Variants in UXS1 observed in about 807,000 individuals in gnomAD.
The protein encoded by UXS1 is UDP-glucuronate decarboxylase 1, also known as UDP-glucuronic acid decarboxylase 1.
A neutral mutation model predicts 62.6 loss-of-function variants in UXS1; 33 were observed. The ratio of observed to expected loss-of-function variants is 0.53; its 90% confidence interval spans 0.40 to 0.70. The LOEUF (loss-of-function observed/expected upper bound fraction) is 0.70, where lower values mean the gene tolerates loss of function less well. Ranked by LOEUF, UXS1 falls within the 30% of genes least tolerant of loss-of-function variation. The pLI is 0.00. For synonymous variants in UXS1, 213 were observed against 206.8 expected, an observed-to-expected ratio of 1.03 and a Z score of -0.26; for missense variants, 434 against 556.3, an observed-to-expected ratio of 0.78 and a Z score of 2.21.
intron 7 of UXS1, among the ~76,000 whole-genome samples, chr2:106,128,058 A>G (rs1489017160): frequency 6.6e-6 from 1 of 152,184 alleles, no homozygotes. Context: ...CCACGGGCAC[A>G]GTGACTGCAT....
intron 9 of UXS1, among the ~76,000 whole-genome samples, chr2:106,120,879 C>T (rs1869056): frequency 0.84 from 128,352 of 152,194 alleles, 54,915 homozygotes; most frequent in Non-Finnish European, 0.93. Context: ...GACACCTTCC[C>T]GACAGGGTTC....
chr2:106,098,454 T>C (rs1677308912), intron 13 of UXS1, among the ~76,000 whole-genome samples: 1 of 152,210 alleles, frequency 6.6e-6, no homozygotes, highest in Non-Finnish European at 1.5e-5. Flanking sequence ...AATACAATCG[T>C]GCCTCAAACA....
At position 106,194,298 on chromosome 2, in the gene UXS1, A is replaced by G; in HGVS notation, c.-57T>C. 5 of 986,080 alleles carry G rather than the reference A, an allele frequency of 5.1e-6. No homozygotes were observed. The highest frequency in any genetic ancestry group is 6.3e-6 in the Non-Finnish European group (5 of 793,574). 61.1% of individuals were successfully genotyped at this position (986,080 alleles called of 1,614,324 possible). On this transcript the variant is annotated 5_prime_UTR_variant, in exon 1 of 15. Transcript: ENST00000283148. ...CGCGCGGGGGCCCGCCTGCTGCACA[A>G]TGCGCGGCGGCGGCGGCGGCAGCGG...
chr2:106,174,684 G>A (rs536634650), intron 1 of UXS1, among the ~76,000 whole-genome samples: 11 of 152,346 alleles, frequency 7.2e-5, no homozygotes, highest in South Asian at 4.1e-4. Context: ...ACCAAGGCAC[G>A]TGCCCAGTAA....
At chr2:106,105,684 G>A (rs952047393) in intron 10 of UXS1, among the ~76,000 whole-genome samples, 6 of 152,216 alleles carry the variant, frequency 3.9e-5, no homozygotes, top group African/African-American at 1.4e-4. Flanking sequence ...TGTGAGGTGC[G>A]ATACCAGCAT....
intron 14 of UXS1, among the ~76,000 whole-genome samples, chr2:106,095,959 C>G (rs1677045614): frequency 6.6e-6 from 1 of 152,194 alleles, no homozygotes. Flanking sequence ...CCGCCCCACC[C>G]TGCCCCCTTC....
At chr2:106,190,447 G>A (rs775122330) in intron 1 of UXS1, among the ~76,000 whole-genome samples, 2 of 152,080 alleles carry the variant, frequency 1.3e-5, no homozygotes, top group African/African-American at 4.8e-5. Context: ...TCAACTAAAA[G>A]AAGTGAAATG....
chr2:106,149,766 G>T (rs1203325869), intron 5 of UXS1, among the ~76,000 whole-genome samples: 1 of 152,218 alleles, frequency 6.6e-6, no homozygotes, highest in African/African-American at 2.4e-5. Flanking sequence ...TTGGAACTAG[G>T]TAATGAGTAG....
At chr2:106,114,726 T>C (rs1351204349) in intron 9 of UXS1, among the ~76,000 whole-genome samples, 1 of 152,192 alleles carries the variant, frequency 6.6e-6, no homozygotes, top group Non-Finnish European at 1.5e-5. Flanking sequence ...CTGTGGCTTT[T>C]CTATTTGGGC....
At chr2:106,137,786 A>C (rs1680778155) in intron 6 of UXS1, among the ~76,000 whole-genome samples, 1 of 151,570 alleles carries the variant, frequency 6.6e-6, no homozygotes, top group South Asian at 2.1e-4. Context: ...CAAGAGCAAA[A>C]CTCCGTCTCA....
At chr2:106,180,108 C>CA (rs1226345405) in intron 1 of UXS1, among the ~76,000 whole-genome samples, 2 of 152,098 alleles carry the variant, frequency 1.3e-5, no homozygotes, top group Admixed American at 6.5e-5. Flanking sequence ...GACTCCGTCT[C>CA]AAAAAAGAAA....
intron 4 of UXS1, 113 bp downstream of exon 4, chr2:106,163,554 G>T (rs897165577): frequency 1.5e-6 from 1 of 656,930 alleles, no homozygotes; most frequent in Non-Finnish European, 2.5e-6. Context: ...GGGGAAATGC[G>T]TATACAGACA....
intron 9 of UXS1, among the ~76,000 whole-genome samples, chr2:106,119,725 T>TA (rs1397893907): frequency 1.3e-5 from 2 of 152,084 alleles, no homozygotes; most frequent in Non-Finnish European, 2.9e-5. Context: ...AAGCCACAGG[T>TA]AGAGGGCAGA....
intron 1 of UXS1, among the ~76,000 whole-genome samples, chr2:106,177,200 C>CTTT (rs5833174): frequency 0.01 from 1,390 of 134,486 alleles, 33 homozygotes; most frequent in African/African-American, 0.022. Flanking sequence ...TTTCTTTTTT[C>CTTT]TTTTTTTTTT....
chr2:106,193,998 G>A (rs1272478269), intron 1 of UXS1, 150 bp downstream of exon 1: 1 of 456,174 alleles, frequency 2.2e-6, no homozygotes, highest in African/African-American at 2.1e-5. Flanking sequence ...GAGTGGAAAG[G>A]GGTGGGAGCA....
intron 11 of UXS1, among the ~76,000 whole-genome samples, chr2:106,103,447 G>A (rs765077121): frequency 2.6e-5 from 4 of 152,222 alleles, no homozygotes; most frequent in African/African-American, 7.2e-5. Context: ...CTGGGTGAGT[G>A]GAGGAGGATG....
intron 11 of UXS1, 116 bp from the exon 12 acceptor site, chr2:106,101,234 C>T: frequency 9.4e-7 from 1 of 1,069,464 alleles, no homozygotes; most frequent in South Asian, 1.7e-5. Flanking sequence ...AACAAAAACC[C>T]AAATGGAAAA....
intron 13 of UXS1, among the ~76,000 whole-genome samples, chr2:106,098,469 G>A (rs1366887722): frequency 6.6e-6 from 1 of 152,138 alleles, no homozygotes; most frequent in Non-Finnish European, 1.5e-5. Context: ...CAAACACTGG[G>A]AGCAAATCTC....
At chr2:106,185,174 C>T (rs1684481912) in intron 1 of UXS1, among the ~76,000 whole-genome samples, 1 of 152,196 alleles carries the variant, frequency 6.6e-6, no homozygotes, top group African/African-American at 2.4e-5. Flanking sequence ...TTGTATCCTT[C>T]TGCTAAATGC....
Sources: allele counts gnomAD v4.1 joint callset (sites outside exome capture counted in the v4.1 genomes callset), GRCh38; gene constraint gnomAD v4.1.1; transcripts MANE v1.5; gene names NCBI Gene and HGNC (gene_info 2026-07-23, HGNC 2026-07-21).